FILIP1L: variants seen among roughly 807,000 people sequenced by gnomAD.
The protein encoded by FILIP1L is filamin A-interacting protein 1-like.
In FILIP1L, 55 loss-of-function variants were observed where a neutral mutation model predicts 96.6. The observed-to-expected ratio is 0.57, with a 90% confidence interval of 0.46 to 0.71. FILIP1L has a LOEUF of 0.71. Ranked by LOEUF, FILIP1L falls within the 30% of genes least tolerant of loss-of-function variation. The pLI is 0.00. For synonymous variants in FILIP1L, 467 were observed against 473.9 expected, an observed-to-expected ratio of 0.99 and a Z score of 0.19; for missense variants, 1,304 against 1,321.2, an observed-to-expected ratio of 0.99 and a Z score of 0.20.
At position 100,094,674 on chromosome 3, in the gene FILIP1L, C is replaced by CT. The variant is rs71132509; in HGVS notation, c.-11+19378dup. Among the ~76,000 whole-genome samples, 343 of 57,004 alleles carry CT rather than the reference C, an allele frequency of 6.0e-3. 81 individuals are homozygous for CT. The highest frequency in any genetic ancestry group is 0.015 in the Admixed American group (57 of 3,718). 37.4% of individuals were successfully genotyped at this position (57,004 alleles called of 152,430 possible). On this transcript the variant is annotated intron_variant, in intron 1 of 5. Transcript: ENST00000477258. ...CAGCACCATTTGTTGGAAAAGCTGCCTTTTTTTTTTTTTTTTTTTTTTTTT... is the reference window on the plus strand; with the variant it reads ...CAGCACCATTTGTTGGAAAAGCTGCCTTTTTTTTTTTTTTTTTTTTTTTTTT...
At chr3:99,848,168 C>G in intron 5 of FILIP1L, 127 bp downstream of exon 5, 1 of 1,533,022 alleles carries the variant, frequency 6.5e-7, no homozygotes, top group South Asian at 1.3e-5. Context: ...CACAAACCTT[C>G]CCAAAGTACG....
chr3:99,881,926 G>T (rs1200929653), intron 4 of FILIP1L, among the ~76,000 whole-genome samples: 1 of 152,170 alleles, frequency 6.6e-6, no homozygotes, highest in African/African-American at 2.4e-5. Context: ...TATTTGCAGA[G>T]AAAGACCTGT....
At chr3:99,911,050 A>G (rs1399939769) in intron 4 of FILIP1L, among the ~76,000 whole-genome samples, 2 of 152,090 alleles carry the variant, frequency 1.3e-5, no homozygotes, top group Non-Finnish European at 2.9e-5. Context: ...TTGTTCATTC[A>G]CATGTTGCTG....
At chr3:99,834,854 C>G (rs1429396208) in intron 5 of FILIP1L, among the ~76,000 whole-genome samples, 1 of 152,138 alleles carries the variant, frequency 6.6e-6, no homozygotes, top group Non-Finnish European at 1.5e-5. Flanking sequence ...AAACACTTTA[C>G]CCATGTAAAC....
chr3:100,028,540 A>G lies in FILIP1L; in HGVS notation c.-11+85513T>C, dbSNP rs144867337. Among the ~76,000 whole-genome samples the G allele has an allele frequency of 1.9e-3, 291 of 152,286 alleles. 3 individuals are homozygous for G. The highest frequency in any genetic ancestry group is 6.9e-3 in the African/African-American group (286 of 41,562). On this transcript the variant is annotated intron_variant, in intron 1 of 5. Transcript: ENST00000477258. ...AATAGGCCTTAGCAAAGACTGAGGT[A>G]ATATATTTTATTACTAATTACAAAA...
intron 5 of FILIP1L, among the ~76,000 whole-genome samples, chr3:99,831,583 C>T (rs537975103): frequency 2.0e-5 from 3 of 152,208 alleles, no homozygotes; most frequent in African/African-American, 7.2e-5. Flanking sequence ...ACAGACTAAT[C>T]AAGTCTGCTA....
At chr3:99,961,984 T>C (rs983011238) in intron 1 of FILIP1L, among the ~76,000 whole-genome samples, 22 of 152,122 alleles carry the variant, frequency 1.4e-4, no homozygotes, top group African/African-American at 5.3e-4. Context: ...AGGGCTATTA[T>C]AGGGGCCCCA....
chr3:100,080,387 GT>G (rs2065913907), intron 1 of FILIP1L, among the ~76,000 whole-genome samples: 1 of 152,110 alleles, frequency 6.6e-6, no homozygotes, highest in Non-Finnish European at 1.5e-5. Context: ...TTTACAGAGG[GT>G]TTCTCAGACT....
intron 1 of FILIP1L, among the ~76,000 whole-genome samples, chr3:100,105,837 G>A (rs1014358846): frequency 1.3e-5 from 2 of 152,170 alleles, no homozygotes; most frequent in African/African-American, 4.8e-5. Context: ...CTCCTGGGAT[G>A]CAAGTAGTTT....
chr3:100,020,979 A>G (rs973441860), intron 1 of FILIP1L, among the ~76,000 whole-genome samples: 1 of 152,064 alleles, frequency 6.6e-6, no homozygotes, highest in Admixed American at 6.5e-5. Flanking sequence ...TGTTGGCCAG[A>G]TGGTCCTGAT....
intron 1 of FILIP1L, 135 bp from the exon 2 acceptor site, chr3:99,931,165 G>A (rs1482977349): frequency 4.3e-5 from 30 of 689,918 alleles, no homozygotes; most frequent in Non-Finnish European, 6.1e-5. Flanking sequence ...GATGTCTACA[G>A]CAGAGAAGGA....
chr3:100,033,537 CTG>C (rs1403639646), intron 1 of FILIP1L, among the ~76,000 whole-genome samples: 3 of 152,296 alleles, frequency 2.0e-5, no homozygotes, highest in South Asian at 2.1e-4. Context: ...AAGTTGGACT[CTG>C]TGTTAACTTG....
chr3:99,906,645 G>C (rs1166804492), intron 4 of FILIP1L, among the ~76,000 whole-genome samples: 2 of 152,164 alleles, frequency 1.3e-5, no homozygotes, highest in Non-Finnish European at 2.9e-5. Context: ...TAAGTGGTTT[G>C]CACTAAGATT....
At chr3:100,084,464 T>G (rs1422191145) in intron 1 of FILIP1L, among the ~76,000 whole-genome samples, 1 of 152,160 alleles carries the variant, frequency 6.6e-6, no homozygotes, top group Non-Finnish European at 1.5e-5. Flanking sequence ...ATAGAAAAAC[T>G]CAAAGAAAAT....
intron 1 of FILIP1L, among the ~76,000 whole-genome samples, chr3:100,015,109 G>A (rs1419596080): frequency 6.6e-6 from 1 of 151,360 alleles, no homozygotes; most frequent in African/African-American, 2.4e-5. Context: ...TCTTCCTCAT[G>A]TAGATATCCA....
chr3:100,016,824 T>C (rs1165098893), intron 1 of FILIP1L, among the ~76,000 whole-genome samples: 1 of 152,234 alleles, frequency 6.6e-6, no homozygotes, highest in Non-Finnish European at 1.5e-5. Flanking sequence ...TAATAGTGCT[T>C]CTAGGAACAG....
In FILIP1L at chr3:100,059,394, C is replaced by G. The variant is rs80205083; in HGVS notation, c.-11+54659G>C. On this transcript the variant is annotated intron_variant, in intron 1 of 5. Transcript: ENST00000477258. ...TCCTTGTCCGTGGCTTGCTTTTAGC[C>G]TCATCTCCGTGATCATCACTGCTTT... 5.8e-3 allele frequency among the ~76,000 whole-genome samples: 876 copies of G among 152,262 alleles called. 11 individuals carry two copies. The highest frequency in any genetic ancestry group is 0.016 in the African/African-American group (675 of 41,544).
chr3:100,006,541 A>G (rs1709991803), intron 1 of FILIP1L, among the ~76,000 whole-genome samples: 1 of 152,126 alleles, frequency 6.6e-6, no homozygotes, highest in Admixed American at 6.6e-5. Flanking sequence ...TATAGTCATG[A>G]AGGCTATCAT....
At chr3:99,831,080 C>CAAG (rs1942655031) in intron 5 of FILIP1L, among the ~76,000 whole-genome samples, 1 of 152,116 alleles carries the variant, frequency 6.6e-6, no homozygotes, top group South Asian at 2.1e-4. Flanking sequence ...TAGTATGTAT[C>CAAG]AAGAGCCTTA....
Sources: gnomAD v4.1 joint callset for allele counts (sites outside exome capture counted in the v4.1 genomes callset) on GRCh38, gnomAD v4.1.1 for gene constraint, MANE v1.5 for transcripts, NCBI Gene and HGNC (gene_info 2026-07-23, HGNC 2026-07-21) for gene names.